CRYZ: variants seen among roughly 807,000 people sequenced by gnomAD.
CRYZ encodes crystallin zeta.
A neutral mutation model predicts 34.1 loss-of-function variants in CRYZ; 35 were observed. The ratio of observed to expected loss-of-function variants is 1.03; its 90% CI spans 0.78 to 1.36. The LOEUF (loss-of-function observed/expected upper bound fraction) is 1.36, where lower values mean the gene tolerates loss of function less well. CRYZ is among the 40% of genes most tolerant of loss of function. The pLI is 0.00. For missense variants in CRYZ, 403 were observed against 391.8 expected (o/e 1.03, Z -0.24); for synonymous variants, 137 against 136.5 (o/e 1.00, Z -0.03).
At chr1:74,731,023 C>T (rs1647694609) in intron 1 of CRYZ, among the ~76,000 whole-genome samples, 1 of 152,156 alleles carries the variant, frequency 6.6e-6, no homozygotes, top group Non-Finnish European at 1.5e-5. Context: ...GTGAACAGGA[C>T]AGGCCTTTCC....
Position 74,719,306 on chromosome 1 carries a change from C to T in CRYZ, c.331G>A (p.Asp111Asn), listed in dbSNP as rs202197566. Residue 111 changes from aspartate (D) to asparagine (N), a missense_variant, in exon 4 of 9, where the codon GAC (aspartate) becomes AAC (asparagine). Physicochemically the swap from Asp to Asn is conservative, Grantham distance 23. Coordinates refer to ENST00000340866, the MANE Select transcript of CRYZ (RefSeq NM_001889.4). ...TCAGGTAGTTTGTAAACAGTGTGGT[C>T]TGCTGCAAGAGCATACTCTGCATAA... ...GGYAEYALAA[D>N]HTVYKLPEKL... The T allele has an allele frequency of 1.5e-5, 25 of 1,613,768 alleles. 1 individual carries two copies. Among genetic ancestry groups the T allele is most frequent in the Non-Finnish European group, 1.7e-5 (20 of 1,179,814 alleles).
chr1:74,723,742 C>T lies in CRYZ; in HGVS notation c.112-472G>A, dbSNP rs144471739. ...TCTTCTTCCATGGAGACCCTGAAGA[C>T]GGGTTGGGTGGCAGAGCCACATGAA... On this transcript the variant is annotated intron_variant, in intron 2 of 8. Coordinates refer to ENST00000340866, the MANE Select transcript of CRYZ (RefSeq NM_001889.4). 1.6e-3 allele frequency among the ~76,000 whole-genome samples: 238 copies of T among 152,286 alleles called. 2 individuals are homozygous for T. Among genetic ancestry groups the T allele is most frequent in the African/African-American group, 5.0e-3 (207 of 41,568 alleles).
At chr1:74,731,976 C>T (rs1273261716) in intron 1 of CRYZ, among the ~76,000 whole-genome samples, 1 of 152,202 alleles carries the variant, frequency 6.6e-6, no homozygotes, top group African/African-American at 2.4e-5. Context: ...GACTGCAATC[C>T]TGATGGCAAA....
intron 1 of CRYZ, among the ~76,000 whole-genome samples, chr1:74,725,840 T>C (rs1326065799): frequency 6.6e-6 from 1 of 152,150 alleles, no homozygotes; most frequent in Non-Finnish European, 1.5e-5. Flanking sequence ...CCATTCCAAA[T>C]GGGAGAAATT....
In CRYZ at chr1:74,727,893, G is replaced by A. The variant is rs142636268; in HGVS notation, c.-13-3059C>T. 2.5e-4 allele frequency among the ~76,000 whole-genome samples: 38 copies of A among 152,204 alleles called. 1 individual carries two copies. The East Asian group carries it at 7.1e-3, about 29-fold the overall frequency. The stretch of plus-strand genomic sequence containing the variant: ...TATAGATATAATTGAAGCCAAACCT[G>A]CTTCTGTCCCACCCTTTCAAGAGGT... On this transcript the variant is annotated intron_variant, in intron 1 of 8. Transcript: ENST00000340866.
chr1:74,713,211 A>C (rs1038128107), intron 5 of CRYZ, among the ~76,000 whole-genome samples: 5 of 152,144 alleles, frequency 3.3e-5, no homozygotes, highest in Non-Finnish European at 4.4e-5. Flanking sequence ...CTTAAAAAAA[A>C]ATCATGGTGA....
chr1:74,723,079 T>C, intron 3 of CRYZ, 39 bp downstream of exon 3: 6 of 1,590,962 alleles, frequency 3.8e-6, no homozygotes, highest in Non-Finnish European at 5.1e-6. Flanking sequence ...TTTTATGAAA[T>C]AAATTCAGCC....
chr1:74,710,880 A>C (rs1360920325), intron 5 of CRYZ, among the ~76,000 whole-genome samples: 4 of 152,234 alleles, frequency 2.6e-5, no homozygotes, highest in Non-Finnish European at 5.9e-5. Flanking sequence ...GAATAAAATA[A>C]ATTCAGGAAA....
intron 5 of CRYZ, among the ~76,000 whole-genome samples, chr1:74,710,492 T>C (rs1646987304): frequency 6.6e-6 from 1 of 152,242 alleles, no homozygotes; most frequent in Non-Finnish European, 1.5e-5. Context: ...AAGTAGATAC[T>C]ATTATTGTCC....
intron 1 of CRYZ, among the ~76,000 whole-genome samples, chr1:74,731,488 G>A (rs533678342): frequency 2.0e-5 from 3 of 152,196 alleles, no homozygotes; most frequent in Non-Finnish European, 4.4e-5. Context: ...TATTAACCCA[G>A]AAATGTAAAA....
chr1:74,706,297 C>G lies in CRYZ; in HGVS notation c.989G>C (p.Ter330SerextTer1). 6.2e-7 allele frequency: 1 copy of G among 1,601,216 alleles called. No individual in the cohort carries two copies. The highest frequency in any genetic ancestry group is 8.5e-7 in the Non-Finnish European group (1 of 1,175,258). Residue 330 changes from the stop codon to serine, a stop_lost, in exon 9 of 9, where the codon TGA becomes TCA. Coordinates refer to ENST00000340866, the MANE Select transcript of CRYZ (RefSeq NM_001889.4). Reference sequence around the variant, plus strand: ...GGAAATCCATGAAAGAATTAATCATCATAAGAGAAGAATCATTTTTCCAGT... The same window carrying G: ...GGAAATCCATGAAAGAATTAATCATGATAAGAGAAGAATCATTTTTCCAGT... Reference protein sequence around the residue: ...GATGKMILLL* With the variant: ...GATGKMILLLS
At chr1:74,718,357 T>C (rs1647105050) in intron 4 of CRYZ, among the ~76,000 whole-genome samples, 1 of 152,122 alleles carries the variant, frequency 6.6e-6, no homozygotes, top group African/African-American at 2.4e-5. Flanking sequence ...AGATAAGTCA[T>C]CTCAATAAAA....
At chr1:74,727,642 C>G (rs1372763728) in intron 1 of CRYZ, among the ~76,000 whole-genome samples, 1 of 52,194 alleles carries the variant, frequency 1.9e-5, no homozygotes, top group Non-Finnish European at 2.9e-5. Flanking sequence ...GAGACTCTGT[C>G]TCAAAAAAAA....
rs560017847 is a variant in CRYZ at position 74,726,937 on chromosome 1, G to A, written c.-13-2103C>T. Among the ~76,000 whole-genome samples the A allele has an allele frequency of 3.9e-5, 6 of 152,204 alleles. No homozygotes were observed. In the South Asian group the frequency reaches 1.2e-3, roughly 32 times the overall value. On this transcript the variant is annotated intron_variant, in intron 1 of 8. Coordinates refer to ENST00000340866, the MANE Select transcript of CRYZ (RefSeq NM_001889.4). Reference sequence around the variant, plus strand: ...GGGGCAAAATGCCACCAGTCTCTTTGCTAAAACACAACAAAAGTCACCTTT... The same window carrying A: ...GGGGCAAAATGCCACCAGTCTCTTTACTAAAACACAACAAAAGTCACCTTT...
chr1:74,707,336 C>A, intron 6 of CRYZ, 132 bp from the exon 7 acceptor site: 1 of 581,140 alleles, frequency 1.7e-6, no homozygotes, highest in Non-Finnish European at 3.0e-6. Context: ...ACTAATAATG[C>A]AAAATTTTAA....
intron 4 of CRYZ, among the ~76,000 whole-genome samples, 185 bp from the exon 5 acceptor site, chr1:74,714,815 T>C (rs1354938349): frequency 6.6e-6 from 1 of 152,206 alleles, no homozygotes; most frequent in African/African-American, 2.4e-5. Flanking sequence ...CTTCAATTCA[T>C]TTATTCCTTG....
intron 5 of CRYZ, among the ~76,000 whole-genome samples, chr1:74,712,151 TTAAA>T (rs771492560): frequency 3.0e-4 from 46 of 152,238 alleles, no homozygotes; most frequent in Admixed American, 1.1e-3. Context: ...GAGCAATTAC[TTAAA>T]TAACAATACT....
intron 4 of CRYZ, among the ~76,000 whole-genome samples, chr1:74,717,118 A>C (rs1165192928): frequency 6.6e-6 from 1 of 152,090 alleles, no homozygotes; most frequent in Non-Finnish European, 1.5e-5. Context: ...TTTACAGATG[A>C]GCTGTGCTTT....
intron 1 of CRYZ, among the ~76,000 whole-genome samples, chr1:74,731,415 A>G (rs996543835): frequency 6.6e-6 from 1 of 152,248 alleles, no homozygotes; most frequent in Admixed American, 6.5e-5. Flanking sequence ...TTAGAAAAAA[A>G]ATCAATCATT....
Sources: gnomAD v4.1 joint callset for allele counts (sites outside exome capture counted in the v4.1 genomes callset) on GRCh38, gnomAD v4.1.1 for gene constraint, MANE v1.5 for transcripts, NCBI Gene and HGNC (gene_info 2026-07-23, HGNC 2026-07-21) for gene names.